AKT3: variants seen among roughly 807,000 people sequenced by gnomAD.
AKT3 encodes RAC-gamma serine/threonine-protein kinase.
In AKT3, 15 loss-of-function variants were observed where a neutral mutation model predicts 65.3. The ratio of observed to expected loss-of-function variants is 0.23; its 90% CI spans 0.15 to 0.35. AKT3 has a LOEUF of 0.35. Ranked by LOEUF, AKT3 falls within the 10% of genes least tolerant of loss-of-function variation. AKT3 has a pLI of 1.00. For synonymous variants in AKT3, 206 were observed against 183.8 expected (o/e 1.12, Z -0.98); for missense variants, 243 against 576.5 (o/e 0.42, Z 5.92).
intron 3 of AKT3, among the ~76,000 whole-genome samples, chr1:243,673,004 T>A (rs906928014): frequency 3.3e-5 from 5 of 152,344 alleles, no homozygotes; most frequent in Middle Eastern, 3.4e-3. Context: ...ATAAGAGGCA[T>A]GCAAACATCT....
intron 13 of AKT3, among the ~76,000 whole-genome samples, chr1:243,489,443 G>A (rs895058571): frequency 6.6e-6 from 1 of 152,234 alleles, no homozygotes; most frequent in Non-Finnish European, 1.5e-5. Flanking sequence ...AGGGAGAAGC[G>A]GGAGGACGGC....
At chr1:243,695,505 G>A (rs1238505191) in intron 3 of AKT3, 86 bp downstream of exon 3, 1 of 1,277,138 alleles carries the variant, frequency 7.8e-7, no homozygotes, top group African/African-American at 1.5e-5. Flanking sequence ...TTTTTCACAG[G>A]TTTCTCATAT....
chr1:243,551,519 T>C (rs184412143), intron 11 of AKT3, among the ~76,000 whole-genome samples: 276 of 152,040 alleles, frequency 1.8e-3, no homozygotes, highest in Non-Finnish European at 3.3e-3. Context: ...ATTTCTCAGA[T>C]AGACTTAAAA....
chr1:243,806,375 G>C (rs1391383956), intron 2 of AKT3, among the ~76,000 whole-genome samples: 1 of 151,878 alleles, frequency 6.6e-6, no homozygotes, highest in Non-Finnish European at 1.5e-5. Flanking sequence ...AAAAACACTT[G>C]AAAGGTCCCA....
intron 13 of AKT3, among the ~76,000 whole-genome samples, chr1:243,490,116 G>A (rs1323590455): frequency 1.3e-5 from 2 of 152,248 alleles, no homozygotes; most frequent in Admixed American, 6.5e-5. Context: ...AAATGAAAAC[G>A]AAGAGGAGTC....
intron 2 of AKT3, among the ~76,000 whole-genome samples, chr1:243,839,477 G>T (rs918322149): frequency 1.3e-5 from 2 of 152,142 alleles, no homozygotes; most frequent in African/African-American, 4.8e-5. Context: ...GCTCCGTGAT[G>T]TTTCTTTTAT....
chr1:243,596,011 TGTGA>T (rs1253313057), intron 8 of AKT3, among the ~76,000 whole-genome samples: 1 of 152,202 alleles, frequency 6.6e-6, no homozygotes, highest in Admixed American at 6.5e-5. Flanking sequence ...CACCAAAACA[TGTGA>T]GTAATGCACT....
chr1:243,811,068 T>C (rs376000679), intron 2 of AKT3, among the ~76,000 whole-genome samples: 1 of 152,172 alleles, frequency 6.6e-6, no homozygotes, highest in African/African-American at 2.4e-5. Flanking sequence ...GCCAATATCA[T>C]ACTGAATGGG....
At chr1:243,576,543 T>C (rs1470754465) in intron 8 of AKT3, among the ~76,000 whole-genome samples, 1 of 152,182 alleles carries the variant, frequency 6.6e-6, no homozygotes, top group Non-Finnish European at 1.5e-5. Flanking sequence ...AGGCTCAGGA[T>C]AGAAAATCAA....
At chr1:243,794,691 A>AT (rs1442384708) in intron 2 of AKT3, among the ~76,000 whole-genome samples, 2 of 152,250 alleles carry the variant, frequency 1.3e-5, no homozygotes, top group Non-Finnish European at 2.9e-5. Flanking sequence ...CAAGAACTAC[A>AT]TTTTAATCAT....
intron 2 of AKT3, among the ~76,000 whole-genome samples, chr1:243,740,516 T>G (rs773168384): frequency 6.6e-6 from 1 of 152,194 alleles, no homozygotes; most frequent in Non-Finnish European, 1.5e-5. Context: ...AATGCAAATG[T>G]GTCTTTTTCC....
chr1:243,594,749 A>AT, intron 8 of AKT3, among the ~76,000 whole-genome samples: 1 of 152,054 alleles, frequency 6.6e-6, no homozygotes, highest in East Asian at 1.9e-4. Context: ...AATTTTTTAA[A>AT]TTTTTTATTT....
At chr1:243,585,235 T>A (rs1323683811) in intron 8 of AKT3, among the ~76,000 whole-genome samples, 1 of 151,898 alleles carries the variant, frequency 6.6e-6, no homozygotes, top group Non-Finnish European at 1.5e-5. Flanking sequence ...AAATCATACA[T>A]GACACAAACA....
intron 12 of AKT3, among the ~76,000 whole-genome samples, chr1:243,532,855 A>G (rs1671638241): frequency 6.6e-6 from 1 of 152,094 alleles, no homozygotes; most frequent in African/African-American, 2.4e-5. Flanking sequence ...TGGATTTTCA[A>G]TTTATTCTTA....
chr1:243,631,774 G>C (rs149214913), intron 6 of AKT3, among the ~76,000 whole-genome samples: 1 of 152,260 alleles, frequency 6.6e-6, no homozygotes, highest in East Asian at 1.9e-4. Flanking sequence ...TAAATCCTTT[G>C]CTGTTATTTC....
chr1:243,711,324 T>G (rs750208474), intron 2 of AKT3, among the ~76,000 whole-genome samples: 1 of 152,140 alleles, frequency 6.6e-6, no homozygotes, highest in Non-Finnish European at 1.5e-5. Context: ...TGAGACTCCA[T>G]CTCAAAAACA....
intron 2 of AKT3, among the ~76,000 whole-genome samples, chr1:243,836,767 A>G (rs6688737): frequency 0.83 from 126,489 of 151,924 alleles, 52,808 homozygotes; most frequent in Middle Eastern, 0.86. Context: ...AAAATTAGCC[A>G]GGCATGGTGG....
chr1:243,849,911 C>T (rs1160396219), intron 1 of AKT3, 129 bp downstream of exon 1: 2 of 688,614 alleles, frequency 2.9e-6, no homozygotes, highest in Non-Finnish European at 3.6e-6. Flanking sequence ...ACCCAGAAGC[C>T]CCCGCCTCAC....
intron 12 of AKT3, among the ~76,000 whole-genome samples, chr1:243,517,982 C>T (rs183383720): frequency 5.3e-4 from 80 of 152,252 alleles, no homozygotes; most frequent in African/African-American, 1.8e-3. Flanking sequence ...CTGAGTAAGA[C>T]GTCAGTGAGC....
Sources: gnomAD v4.1 joint callset for allele counts (sites outside exome capture counted in the v4.1 genomes callset) on GRCh38, gnomAD v4.1.1 for gene constraint, MANE v1.5 for transcripts, NCBI Gene and HGNC (gene_info 2026-07-23, HGNC 2026-07-21) for gene names.